Variants in DNAH11 observed in about 807,000 individuals in gnomAD.
The protein encoded by DNAH11 is axonemal beta dynein heavy chain 11.
In DNAH11, 442 loss-of-function variants were observed where a neutral mutation model predicts 526.0. That is an observed-to-expected ratio of 0.84 (90% CI 0.78 to 0.91). The LOEUF is 0.91. Among genes scored for constraint, DNAH11 ranks in the 40% least tolerant of loss-of-function variants. DNAH11 has a pLI of 0.00. For synonymous variants in DNAH11, 2,461 were observed against 1,935.9 expected, an observed-to-expected ratio of 1.27 and a Z score of -7.12; for missense variants, 6,989 against 5,448.7, an observed-to-expected ratio of 1.28 and a Z score of -8.90.
At chr7:21,895,634 C>A (rs1294201542) in intron 79 of DNAH11, among the ~76,000 whole-genome samples, 2 of 152,206 alleles carry the variant, frequency 1.3e-5, no homozygotes, top group Non-Finnish European at 2.9e-5. Context: ...TTCTTTCCCC[C>A]TGCTTTCCTG....
chr7:21,705,753 A>G (rs1006856924), intron 39 of DNAH11, among the ~76,000 whole-genome samples: 1 of 152,136 alleles, frequency 6.6e-6, no homozygotes, highest in Non-Finnish European at 1.5e-5. Flanking sequence ...CAAATAGAGG[A>G]TTGCATTCAC....
At chr7:21,651,785 T>C (rs1044627274) in intron 28 of DNAH11, among the ~76,000 whole-genome samples, 1 of 152,218 alleles carries the variant, frequency 6.6e-6, no homozygotes, top group South Asian at 2.1e-4. Context: ...GTAAATTAAC[T>C]CTTGAGTGAT....
chr7:21,768,122 A>C (rs1426461856), intron 55 of DNAH11, among the ~76,000 whole-genome samples: 1 of 152,222 alleles, frequency 6.6e-6, no homozygotes, highest in Non-Finnish European at 1.5e-5. Flanking sequence ...ACAGTTTGAC[A>C]CTTAAGTATT....
chr7:21,843,144 A>T (rs1782279352), intron 66 of DNAH11, among the ~76,000 whole-genome samples: 1 of 152,248 alleles, frequency 6.6e-6, no homozygotes, highest in South Asian at 2.1e-4. Context: ...ACTAGTATTC[A>T]AAGGGACATT....
intron 25 of DNAH11, among the ~76,000 whole-genome samples, chr7:21,621,645 C>G (rs1786062158): frequency 1.3e-5 from 2 of 151,988 alleles, no homozygotes; most frequent in South Asian, 4.1e-4. Context: ...GGCTTCATCC[C>G]TGGGATGCAA....
At position 21,736,272 on chromosome 7, in the gene DNAH11, T is replaced by TA. The variant is rs1284601088; in HGVS notation, c.7645+432dup. On this transcript the variant is annotated intron_variant, in intron 46 of 81. Coordinates refer to ENST00000409508, the MANE Select transcript of DNAH11 (RefSeq NM_001277115.2). ...GAGCCAAGAGTCATTAATGAAATCT[T>TA]AAAATCACTAGAACTAGTTTTGAAC... Among the ~76,000 whole-genome samples the TA allele has an allele frequency of 2.6e-5, 4 of 152,358 alleles. No individual in the cohort carries two copies. The Middle Eastern group carries it at 0.01, about 389-fold the overall frequency.
chr7:21,892,016 A>ATGAT (rs1359368375), intron 76 of DNAH11, among the ~76,000 whole-genome samples: 2 of 152,220 alleles, frequency 1.3e-5, no homozygotes, highest in African/African-American at 4.8e-5. Context: ...GTTCAGAATT[A>ATGAT]TGATTAAAAT....
chr7:21,835,553 A>G (rs533432398), intron 65 of DNAH11, among the ~76,000 whole-genome samples: 2 of 152,320 alleles, frequency 1.3e-5, no homozygotes, highest in African/African-American at 4.8e-5. Context: ...AGCTTCGATA[A>G]AATTCAAGAT....
intron 55 of DNAH11, among the ~76,000 whole-genome samples, chr7:21,767,922 G>C (rs890887809): frequency 6.6e-6 from 1 of 152,042 alleles, no homozygotes; most frequent in African/African-American, 2.4e-5. Context: ...GCTTACACAA[G>C]GTGACCCCCT....
chr7:21,880,467 T>G (rs1416068477), intron 74 of DNAH11, among the ~76,000 whole-genome samples: 1 of 152,226 alleles, frequency 6.6e-6, no homozygotes, highest in East Asian at 1.9e-4. Context: ...CTAGTGAACT[T>G]AGAAGCATTC....
rs573937362 is a variant in DNAH11, at chr7:21,664,353, G to C, written c.5328+5322G>C. ...TATCTTTATGTCTGGTTTTTTTTCTGTAGGAATTGTCTTCCCTAAATTGAG... is the reference window on the plus strand; with the variant it reads ...TATCTTTATGTCTGGTTTTTTTTCTCTAGGAATTGTCTTCCCTAAATTGAG... On this transcript the variant is annotated intron_variant, in intron 30 of 81. Coordinates refer to ENST00000409508, the MANE Select transcript of DNAH11 (RefSeq NM_001277115.2). Among the ~76,000 whole-genome samples, 3 of 151,420 alleles carry C rather than the reference G, an allele frequency of 2.0e-5. No individual in the cohort carries two copies. The East Asian group carries it at 5.8e-4, about 29-fold the overall frequency.
chr7:21,725,671 A>G (rs1785068534), intron 44 of DNAH11, 140 bp from the exon 45 acceptor site: 2 of 762,174 alleles, frequency 2.6e-6, no homozygotes, highest in Non-Finnish European at 4.2e-6. Context: ...TAAGTTAATT[A>G]TTTCACAAAA....
chr7:21,545,274 TAA>T (rs10634177), intron 2 of DNAH11, 125 bp downstream of exon 2: 5,270 of 130,142 alleles, frequency 0.04, no homozygotes, highest in South Asian at 0.068. Flanking sequence ...TGGGGGTGGT[TAA>T]AAAAAAAAAA....
chr7:21,706,778 A>T (rs1184233231), intron 39 of DNAH11, among the ~76,000 whole-genome samples: 1 of 152,198 alleles, frequency 6.6e-6, no homozygotes, highest in Non-Finnish European at 1.5e-5. Flanking sequence ...AGTGTTTGCC[A>T]ATTGTTTATC....
At chr7:21,635,241 C>G (rs973645712) in intron 25 of DNAH11, among the ~76,000 whole-genome samples, 5 of 152,134 alleles carry the variant, frequency 3.3e-5, no homozygotes, top group African/African-American at 1.2e-4. Flanking sequence ...ACTGCAAGCT[C>G]CGCCTCCCGG....
intron 65 of DNAH11, among the ~76,000 whole-genome samples, chr7:21,825,605 A>G (rs1386963848): frequency 6.7e-6 from 1 of 149,116 alleles, no homozygotes; most frequent in Admixed American, 6.7e-5. Flanking sequence ...ATGACGAACT[A>G]TTCCTGCCTC....
At chr7:21,762,085 A>G (rs10950873) in intron 54 of DNAH11, among the ~76,000 whole-genome samples, 34,402 of 151,942 alleles carry the variant, frequency 0.23, 4,465 homozygotes, top group Non-Finnish European at 0.28. Context: ...AGAACTCCCT[A>G]TCATGAGAAC....
At chr7:21,785,415 C>T (rs887401217) in intron 58 of DNAH11, among the ~76,000 whole-genome samples, 41 of 152,024 alleles carry the variant, frequency 2.7e-4, no homozygotes, top group African/African-American at 8.9e-4. Flanking sequence ...AGCCTGCTGC[C>T]GTTAAAATAA....
intron 24 of DNAH11, 58 bp from the exon 25 acceptor site, chr7:21,619,898 T>A (rs1197112569): frequency 6.8e-7 from 1 of 1,475,838 alleles, no homozygotes; most frequent in Non-Finnish European, 9.2e-7. Context: ...CAGATAATAG[T>A]CTACATATTG....
Sources: allele counts gnomAD v4.1 joint callset (sites outside exome capture counted in the v4.1 genomes callset), GRCh38; gene constraint gnomAD v4.1.1; transcripts MANE v1.5; gene names NCBI Gene and HGNC (gene_info 2026-07-23, HGNC 2026-07-21).